The following VPS8 variants were observed in gnomAD, a reference collection of about 807,000 sequenced individuals.
VPS8 encodes VPS8 subunit of CORVET complex, also known as vacuolar protein sorting-associated protein 8 homolog.
In VPS8, 129 loss-of-function variants were observed where a neutral mutation model predicts 216.4. The ratio of observed to expected loss-of-function variants is 0.60; its 90% CI spans 0.52 to 0.69. The LOEUF is 0.69. Ranked by LOEUF, VPS8 falls within the 30% of genes least tolerant of loss-of-function variation. The pLI is 0.00. For missense variants in VPS8, 1,531 were observed against 1,683.5 expected, an observed-to-expected ratio of 0.91 and a Z score of 1.59; for synonymous variants, 571 against 565.4, an observed-to-expected ratio of 1.01 and a Z score of -0.14.
chr3:184,874,494 G>T (rs1728900894), intron 21 of VPS8, among the ~76,000 whole-genome samples: 1 of 152,144 alleles, frequency 6.6e-6, no homozygotes, highest in South Asian at 2.1e-4. Context: ...ATCTTGACAA[G>T]AAAGTGCAAT....
At chr3:184,898,431 G>T in intron 23 of VPS8, 134 bp from the exon 24 acceptor site, 1 of 722,782 alleles carries the variant, frequency 1.4e-6, no homozygotes, top group African/African-American at 1.8e-5. Context: ...TTGAGTACTT[G>T]AATTTCAGTT....
At position 184,869,435 on chromosome 3, in the gene VPS8, G is replaced by T. The variant is rs545849085; in HGVS notation, c.1598-47G>T. ...AACCAGACATAGTTTCACTCCTAAA[G>T]ATGTGGACTAACTTTTGTTTTTTTG... On this transcript the variant is annotated intron_variant, in intron 19 of 47. Transcript: ENST00000625842. The T allele has an allele frequency of 4.4e-6, 7 of 1,592,842 alleles. No homozygotes were observed. The South Asian group carries it at 6.6e-5, about 15-fold the overall frequency.
chr3:184,928,340 A>G, intron 31 of VPS8, 111 bp from the exon 32 acceptor site: 1 of 959,350 alleles, frequency 1.0e-6, no homozygotes, highest in East Asian at 3.2e-5. Context: ...AATATCATCA[A>G]CTAAGAATAC....
chr3:185,005,229 C>T (rs1754080466), intron 45 of VPS8, among the ~76,000 whole-genome samples: 1 of 152,202 alleles, frequency 6.6e-6, no homozygotes, highest in African/African-American at 2.4e-5. Context: ...TTCCATTGGT[C>T]TACATTCCTA....
chr3:184,886,795 G>C (rs1354608836), intron 22 of VPS8, among the ~76,000 whole-genome samples: 1 of 151,936 alleles, frequency 6.6e-6, no homozygotes, highest in Non-Finnish European at 1.5e-5. Context: ...TGGCCAGGCT[G>C]GTCTCAAACT....
intron 47 of VPS8, among the ~76,000 whole-genome samples, chr3:185,050,966 G>C (rs1376492643): frequency 6.6e-6 from 1 of 152,154 alleles, no homozygotes; most frequent in East Asian, 1.9e-4. Flanking sequence ...TTAGCTCTGT[G>C]GGGTGGAAGT....
chr3:185,043,844 T>C (rs1712249156), intron 46 of VPS8, among the ~76,000 whole-genome samples: 1 of 152,124 alleles, frequency 6.6e-6, no homozygotes, highest in African/African-American at 2.4e-5. Context: ...ATTAGGCAAA[T>C]TGACCCAGGC....
At chr3:184,894,605 A>G (rs1297353983) in intron 22 of VPS8, 98 bp from the exon 23 acceptor site, 1 of 932,028 alleles carries the variant, frequency 1.1e-6, no homozygotes, top group African/African-American at 1.7e-5. Flanking sequence ...CTCATGAGTA[A>G]GTTGAAGTAG....
intron 39 of VPS8, among the ~76,000 whole-genome samples, chr3:184,971,115 G>A (rs1439762113): frequency 6.6e-6 from 1 of 152,238 alleles, no homozygotes; most frequent in African/African-American, 2.4e-5. Context: ...GGACATCCAT[G>A]TGGAAATAAA....
chr3:184,964,453 T>G lies in VPS8; in HGVS notation c.3184-15T>G. ...AGATTGGTGAATAAAAATATTTATC[T>G]TTTTTATTTCCTAGATTACTCAGAA... is the stretch of plus-strand genomic sequence containing the variant. On this transcript the variant is annotated splice_polypyrimidine_tract_variant and intron_variant, in intron 37 of 47. Coordinates refer to ENST00000625842, the MANE Select transcript of VPS8 (RefSeq NM_001009921.3). 1 of 1,424,726 alleles carries G rather than the reference T, an allele frequency of 7.0e-7. No individual in the cohort carries two copies. Among genetic ancestry groups the G allele is most frequent in the Non-Finnish European group, 9.4e-7 (1 of 1,067,190 alleles). The allele number at this position is 1,424,726 out of a possible 1,614,324, so 88.3% of individuals were successfully genotyped here.
intron 23 of VPS8, among the ~76,000 whole-genome samples, chr3:184,896,145 C>T (rs906444688): frequency 7.9e-5 from 12 of 151,978 alleles, no homozygotes; most frequent in Non-Finnish European, 1.5e-4. Flanking sequence ...TGTGAGTTTG[C>T]AAAGTAAAGC....
At chr3:185,006,013 G>A (rs1242847422) in intron 45 of VPS8, among the ~76,000 whole-genome samples, 2 of 152,174 alleles carry the variant, frequency 1.3e-5, no homozygotes, top group Non-Finnish European at 2.9e-5. Context: ...CTACACATCA[G>A]CAAAAGTTTG....
chr3:184,898,684 T>C (rs1560582703), intron 24 of VPS8, 30 bp downstream of exon 24: 1 of 1,492,348 alleles, frequency 6.7e-7, no homozygotes, highest in Non-Finnish European at 9.0e-7. Flanking sequence ...GGATACGTAA[T>C]TAATTTTGTC....
intron 21 of VPS8, chr3:184,882,298 C>T (rs768259518): frequency 4.9e-5 from 21 of 427,262 alleles, no homozygotes; most frequent in Non-Finnish European, 4.7e-5. Flanking sequence ...TGAATTTTGT[C>T]AGTTGCTTTT....
intron 46 of VPS8, among the ~76,000 whole-genome samples, chr3:185,030,486 C>G (rs1757964306): frequency 6.6e-6 from 1 of 152,154 alleles, no homozygotes; most frequent in Non-Finnish European, 1.5e-5. Flanking sequence ...CACAGCTGTT[C>G]TCCTCAAAGT....
chr3:184,966,739 AT>A, intron 39 of VPS8, 26 bp downstream of exon 39: 1 of 1,544,424 alleles, frequency 6.5e-7, no homozygotes, highest in Non-Finnish European at 8.9e-7. Flanking sequence ...TAATTACAAC[AT>A]TTTTCATCCT....
chr3:184,982,935 T>G (rs1428138436), intron 41 of VPS8, 77 bp from the exon 42 acceptor site: 62 of 1,314,644 alleles, frequency 4.7e-5, no homozygotes, highest in Non-Finnish European at 6.1e-5. Context: ...AAATGCACTG[T>G]TTTTCCACAG....
At chr3:184,823,592 TTTA>T (rs199720067) in intron 1 of VPS8, among the ~76,000 whole-genome samples, 3 of 152,066 alleles carry the variant, frequency 2.0e-5, no homozygotes, top group East Asian at 1.9e-4. Context: ...CAAAATGATC[TTTA>T]TTATTATTAT....
intron 8 of VPS8, among the ~76,000 whole-genome samples, chr3:184,844,550 T>A (rs979502282): frequency 1.3e-5 from 2 of 152,372 alleles, no homozygotes; most frequent in African/African-American, 4.8e-5. Flanking sequence ...AGGTATTTCC[T>A]TCTTTGAGAA....
Sources: gnomAD v4.1 joint callset for allele counts (sites outside exome capture counted in the v4.1 genomes callset) on GRCh38, gnomAD v4.1.1 for gene constraint, MANE v1.5 for transcripts, NCBI Gene and HGNC (gene_info 2026-07-23, HGNC 2026-07-21) for gene names.